Variants in RBFOX1 observed in about 807,000 individuals in gnomAD.
RBFOX1 encodes RNA binding fox-1 homolog 1.
A neutral mutation model predicts 57.7 loss-of-function variants in RBFOX1; 8 were observed. The observed-to-expected ratio is 0.14, with a 90% CI of 0.08 to 0.25. RBFOX1 has a LOEUF of 0.25. Among genes scored for constraint, RBFOX1 ranks in the 10% least tolerant of loss-of-function variants. RBFOX1 has a pLI of 1.00. For missense variants in RBFOX1, 611 were observed against 548.5 expected (o/e 1.11, Z -1.14); for synonymous variants, 326 against 222.4 (o/e 1.47, Z -4.15).
chr16:5,499,916 C>T (rs1268649371), intron 2 of RBFOX1, among the ~76,000 whole-genome samples: 1 of 152,102 alleles, frequency 6.6e-6, no homozygotes, highest in East Asian at 1.9e-4. Context: ...TCCTGATGGC[C>T]ACTCAACATT....
intron 4 of RBFOX1, among the ~76,000 whole-genome samples, chr16:7,504,722 T>TAA (rs2072242208): frequency 3.7e-4 from 2 of 5,412 alleles, no homozygotes; most frequent in African/African-American, 8.4e-4. Flanking sequence ...TATATATATA[T>TAA]ATATATATAT....
At chr16:6,955,162 G>A (rs1275080374) in intron 3 of RBFOX1, among the ~76,000 whole-genome samples, 1 of 151,982 alleles carries the variant, frequency 6.6e-6, no homozygotes, top group Non-Finnish European at 1.5e-5. Flanking sequence ...GATCAGTTGA[G>A]CCTGGGACTG....
At chr16:6,939,855 C>T (rs181843174) in intron 3 of RBFOX1, among the ~76,000 whole-genome samples, 41 of 152,276 alleles carry the variant, frequency 2.7e-4, no homozygotes, top group African/African-American at 8.7e-4. Flanking sequence ...GTGGAAGATA[C>T]ATGTCAAGGC....
chr16:6,088,510 T>G (rs985275041), intron 1 of RBFOX1, among the ~76,000 whole-genome samples: 46 of 145,870 alleles, frequency 3.2e-4, no homozygotes, highest in African/African-American at 1.2e-3. Flanking sequence ...CCTTCCTTCC[T>G]CCCCCTTCCC....
At chr16:5,824,196 C>G (rs993894172) in intron 3 of RBFOX1, among the ~76,000 whole-genome samples, 1 of 152,186 alleles carries the variant, frequency 6.6e-6, no homozygotes, top group Non-Finnish European at 1.5e-5. Flanking sequence ...TTTCTCCGGG[C>G]CCAGGACAGA....
At chr16:6,806,870 G>C (rs955415575) in intron 3 of RBFOX1, among the ~76,000 whole-genome samples, 1 of 87,402 alleles carries the variant, frequency 1.1e-5, no homozygotes, top group African/African-American at 5.0e-5. Flanking sequence ...GTCTTGCTCT[G>C]TTACCCAGGC....
intron 4 of RBFOX1, among the ~76,000 whole-genome samples, chr16:7,091,945 A>T (rs1003425381): frequency 6.6e-6 from 1 of 152,218 alleles, no homozygotes; most frequent in African/African-American, 2.4e-5. Flanking sequence ...CAGAAACAAC[A>T]TCTGCCCATT....
At chr16:5,575,619 G>C (rs4786717) in intron 2 of RBFOX1, among the ~76,000 whole-genome samples, 4 of 152,194 alleles carry the variant, frequency 2.6e-5, no homozygotes, top group Non-Finnish European at 5.9e-5. Flanking sequence ...TGTCTCCGAA[G>C]CAAAGCTTCC....
chr16:6,995,667 G>C lies in RBFOX1; in HGVS notation c.-15-56390G>C, dbSNP rs555483480. 9.2e-5 allele frequency among the ~76,000 whole-genome samples: 14 copies of C among 152,196 alleles called. No homozygotes were observed. In the South Asian group the frequency reaches 2.9e-3, roughly 32 times the overall value. ...CCCAGCTACTCAGAAGGCTGAGGCA[G>C]GAGAATCACTTGAACCTGGGAGCAC... is the stretch of plus-strand genomic sequence containing the variant. On this transcript the variant is annotated intron_variant, in intron 3 of 15. Transcript: ENST00000550418.
chr16:5,327,504 C>T (rs2064614099), intron 1 of RBFOX1, among the ~76,000 whole-genome samples: 1 of 152,208 alleles, frequency 6.6e-6, no homozygotes, highest in African/African-American at 2.4e-5. Flanking sequence ...TTGACACTGC[C>T]TGACTTTGAA....
At chr16:6,395,329 T>C (rs1177451944) in intron 2 of RBFOX1, among the ~76,000 whole-genome samples, 2 of 152,192 alleles carry the variant, frequency 1.3e-5, no homozygotes, top group African/African-American at 2.4e-5. Flanking sequence ...CTGAGTCAAA[T>C]GAAAACTCTG....
chr16:6,385,999 G>A (rs1430655607), intron 2 of RBFOX1, among the ~76,000 whole-genome samples: 2 of 149,608 alleles, frequency 1.3e-5, no homozygotes, highest in Non-Finnish European at 3.0e-5. Context: ...GCAGTGGCGC[G>A]ATCTCGGCTC....
At chr16:7,709,447 C>CTT in intron 15 of RBFOX1, 3 of 1,309,424 alleles carry the variant, frequency 2.3e-6, no homozygotes, top group East Asian at 2.7e-5. Context: ...CAATGCAGAA[C>CTT]TTTTTTTTTT....
intron 1 of RBFOX1, among the ~76,000 whole-genome samples, chr16:5,406,962 T>G (rs984237205): frequency 6.6e-6 from 1 of 152,098 alleles, no homozygotes; most frequent in African/African-American, 2.4e-5. Flanking sequence ...GAAGTGACAT[T>G]TGAGTGATGT....
chr16:6,005,718 A>G (rs761864230), intron 4 of RBFOX1, among the ~76,000 whole-genome samples: 1 of 152,180 alleles, frequency 6.6e-6, no homozygotes, highest in Admixed American at 6.5e-5. Context: ...GCCCCTGTTG[A>G]GAAAGTCTGT....
intron 1 of RBFOX1, among the ~76,000 whole-genome samples, chr16:6,200,526 T>A (rs1284759841): frequency 1.3e-5 from 2 of 151,988 alleles, no homozygotes; most frequent in Non-Finnish European, 2.9e-5. Flanking sequence ...CTGTGTAAAA[T>A]CACACAATAT....
At chr16:5,476,786 T>A (rs764245891) in intron 2 of RBFOX1, among the ~76,000 whole-genome samples, 3 of 152,138 alleles carry the variant, frequency 2.0e-5, no homozygotes, top group Non-Finnish European at 2.9e-5. Flanking sequence ...AACTTCGAAG[T>A]TTCTTCTATT....
chr16:7,515,141 TG>T (rs1344106236), intron 4 of RBFOX1, among the ~76,000 whole-genome samples: 10 of 152,312 alleles, frequency 6.6e-5, no homozygotes, highest in Admixed American at 2.0e-4. Context: ...CCAACATTTC[TG>T]GGGCTTTTCA....
At chr16:7,109,170 C>G (rs755640221) in intron 4 of RBFOX1, among the ~76,000 whole-genome samples, 2 of 152,080 alleles carry the variant, frequency 1.3e-5, no homozygotes, top group Non-Finnish European at 2.9e-5. Context: ...TTTTGGAAAG[C>G]TAATCTTAAA....
Sources: allele counts gnomAD v4.1 joint callset (sites outside exome capture counted in the v4.1 genomes callset), GRCh38; gene constraint gnomAD v4.1.1; transcripts MANE v1.5; gene names NCBI Gene and HGNC (gene_info 2026-07-23, HGNC 2026-07-21).